Variants in UNC5B observed in about 807,000 individuals in gnomAD.
UNC5B encodes the protein unc-5 netrin receptor B, also known as netrin receptor UNC5B.
Under a neutral mutation model 103.7 loss-of-function variants are expected in UNC5B, and 56 were observed. That is an observed-to-expected ratio of 0.54 (90% CI 0.44 to 0.67). The LOEUF (loss-of-function observed/expected upper bound fraction) is 0.67. UNC5B is among the 30% of genes least tolerant of loss of function. UNC5B has a pLI of 0.00. For synonymous variants in UNC5B, 577 were observed against 542.0 expected (o/e 1.06, Z -0.90); for missense variants, 1,194 against 1,284.5 (o/e 0.93, Z 1.08).
At chr10:71,287,139 C>T (rs560114571) in intron 5 of UNC5B, among the ~76,000 whole-genome samples, 154 of 152,344 alleles carry the variant, frequency 1.0e-3, no homozygotes, top group Non-Finnish European at 1.9e-3. Context: ...TCAGTATGTC[C>T]AGAAGGCTGT....
Position 71,297,931 on chromosome 10 carries a change from C to G in UNC5B, c.2513C>G (p.Thr838Ser), listed in dbSNP as rs769446964. ...CAGACACCTGCTGGCTCCCTGGACA[C>G]TCTCTGCTCTGCCCCTGGCAGCACT... is the stretch of plus-strand genomic sequence containing the variant. Reference protein sequence around the residue: ...LAETPAGSLDTLCSAPGSTVT... With the variant: ...LAETPAGSLDSLCSAPGSTVT... The change falls in exon 16 of 17, where the codon ACT (threonine) becomes AGT (serine). Residue 838 changes from threonine to serine, a missense_variant. Thr to Ser is a moderately conservative substitution (Grantham distance 58, BLOSUM62 1). Coordinates refer to ENST00000335350, the MANE Select transcript of UNC5B (RefSeq NM_170744.5). 4 of 1,613,366 alleles carry G rather than the reference C, an allele frequency of 2.5e-6. No individual in the cohort carries two copies. Among genetic ancestry groups the G allele is most frequent in the Admixed American group, 1.7e-5 (1 of 59,964 alleles).
intron 6 of UNC5B, among the ~76,000 whole-genome samples, 174 bp from the exon 7 acceptor site, chr10:71,288,394 T>TC (rs1845149306): frequency 1.3e-5 from 2 of 152,246 alleles, no homozygotes; most frequent in African/African-American, 4.8e-5. Flanking sequence ...GGCATGGGGT[T>TC]ATGTGGATAT....
rs1204451688 is a variant in UNC5B at position 71,302,094 on chromosome 10, G to T, written c.*2817G>T. The T allele has an allele frequency of 1.3e-5, 2 of 152,386 alleles. No homozygotes were observed. The highest frequency in any genetic ancestry group is 1.9e-4 in the East Asian group (1 of 5,186). The allele number at this position is 152,386 out of a possible 1,614,324, so 9.4% of individuals were successfully genotyped here. ...GAGAAATGCCCAGAAAGGCTTTGCCGACTCCATCCGTCTGTGGAGGCTGCC... is the reference window on the plus strand; with the variant it reads ...GAGAAATGCCCAGAAAGGCTTTGCCTACTCCATCCGTCTGTGGAGGCTGCC... On this transcript the variant is annotated 3_prime_UTR_variant, in exon 17 of 17. Coordinates refer to ENST00000335350, the MANE Select transcript of UNC5B (RefSeq NM_170744.5).
At chr10:71,243,194 C>T (rs1055632846) in intron 1 of UNC5B, among the ~76,000 whole-genome samples, 3 of 152,108 alleles carry the variant, frequency 2.0e-5, no homozygotes, top group Non-Finnish European at 4.4e-5. Flanking sequence ...CAGATCTCAT[C>T]ACGGCACTCC....
intron 11 of UNC5B, 27 bp downstream of exon 11, chr10:71,292,581 T>A: frequency 6.4e-7 from 1 of 1,567,126 alleles, no homozygotes; most frequent in Non-Finnish European, 8.7e-7. Flanking sequence ...CCGCTGCTCC[T>A]TTTTCTTCCT....
At chr10:71,251,479 C>T (rs1320085621) in intron 1 of UNC5B, among the ~76,000 whole-genome samples, 1 of 152,218 alleles carries the variant, frequency 6.6e-6, no homozygotes, top group Non-Finnish European at 1.5e-5. Flanking sequence ...GGCCCCAGAG[C>T]ACAGTTTATC....
At chr10:71,250,752 GT>G (rs543850475) in intron 1 of UNC5B, among the ~76,000 whole-genome samples, 94 of 152,290 alleles carry the variant, frequency 6.2e-4, no homozygotes, top group Admixed American at 2.5e-3. Flanking sequence ...TTCCTGAAGG[GT>G]TATCCCCCTC....
intron 8 of UNC5B, 127 bp from the exon 9 acceptor site, chr10:71,290,788 C>A: frequency 8.4e-7 from 1 of 1,188,066 alleles, no homozygotes; most frequent in Non-Finnish European, 1.2e-6. Context: ...GTAGGCAGGG[C>A]TCAGACTGGA....
Position 71,293,867 on chromosome 10 carries a change from C to G in UNC5B, c.2109C>G (p.Ala703=), listed in dbSNP as rs766472846. The change falls in exon 13 of 17, where the codon GCC becomes GCG. Residue 703 remains alanine (A), a synonymous_variant. Coordinates refer to ENST00000335350, the MANE Select transcript of UNC5B (RefSeq NM_170744.5). The stretch of plus-strand genomic sequence containing the variant: ...TCCAGCTGGCCGTCTTCGCCCCCGC[C>G]CTCTGCACCTCCCTGGAGTACAGCC... The part of the protein sequence containing the change: ...KRLQLAVFAP[A]LCTSLEYSLR... The G allele has an allele frequency of 8.7e-6, 14 of 1,608,360 alleles. No homozygotes were observed. The Admixed American group carries it at 2.0e-4, about 23-fold the overall frequency.
At chr10:71,256,514 T>A (rs548074560) in intron 1 of UNC5B, among the ~76,000 whole-genome samples, 6 of 152,348 alleles carry the variant, frequency 3.9e-5, no homozygotes, top group Middle Eastern at 3.4e-3. Flanking sequence ...AGGGCAAGGA[T>A]AGGTTCGGGA....
chr10:71,263,904 G>A (rs1844469140), intron 1 of UNC5B, among the ~76,000 whole-genome samples: 2 of 152,202 alleles, frequency 1.3e-5, no homozygotes, highest in South Asian at 4.1e-4. Flanking sequence ...CCAAGCATTG[G>A]TGGCTGACAC....
At chr10:71,284,543 G>A (rs1343510872) in intron 2 of UNC5B, among the ~76,000 whole-genome samples, 177 bp from the exon 3 acceptor site, 1 of 152,244 alleles carries the variant, frequency 6.6e-6, no homozygotes, top group African/African-American at 2.4e-5. Flanking sequence ...CCACTGCAAT[G>A]TGCAGGTGAG....
At chr10:71,254,388 G>A (rs998210692) in intron 1 of UNC5B, among the ~76,000 whole-genome samples, 5 of 152,212 alleles carry the variant, frequency 3.3e-5, no homozygotes, top group African/African-American at 7.2e-5. Context: ...GGTACCTGGC[G>A]TCCTGCTGTC....
chr10:71,292,349 G>T, intron 10 of UNC5B, 118 bp from the exon 11 acceptor site: 1 of 838,862 alleles, frequency 1.2e-6, no homozygotes. Context: ...ACCCCTGGCT[G>T]GGGACTACCT....
rs11813918 is a variant in UNC5B at position 71,256,847 on chromosome 10, C to G, written c.80-22974C>G. On this transcript the variant is annotated intron_variant, in intron 1 of 16. Transcript: ENST00000335350. ...GGTCAGGGACTTGTCCAGGGTCACA[C>G]AGCATGTTAGTTACTGAGCTGAGAC... Among the ~76,000 whole-genome samples the G allele has an allele frequency of 2.8e-3, 421 of 152,350 alleles. 1 individual carries two copies. The highest frequency in any genetic ancestry group is 4.6e-3 in the Non-Finnish European group (314 of 68,034).
intron 1 of UNC5B, among the ~76,000 whole-genome samples, chr10:71,247,625 C>T (rs1165874149): frequency 1.3e-5 from 2 of 152,136 alleles, no homozygotes; most frequent in Non-Finnish European, 2.9e-5. Flanking sequence ...TTTCAGGAGT[C>T]TGAGTCTGGG....
chr10:71,286,856 C>T lies in UNC5B; in HGVS notation c.720C>T (p.Thr240=), dbSNP rs142181719. ...IVAKRRSTTA[T]VIVYVNGGWS... ...CCAAACGCCGGAGCACCACTGCCAC[C>T]GTCATCGTCTACGGTGCGGGCCTTT... The change falls in exon 5 of 17, where the codon ACC becomes ACT. Residue 240 remains threonine (T), a synonymous_variant. Coordinates refer to ENST00000335350, the MANE Select transcript of UNC5B (RefSeq NM_170744.5). The T allele has an allele frequency of 2.5e-6, 4 of 1,614,062 alleles. No homozygotes were observed. Among genetic ancestry groups the T allele is most frequent in the Non-Finnish European group, 2.5e-6 (3 of 1,179,954 alleles).
At chr10:71,259,297 G>A (rs966353484) in intron 1 of UNC5B, among the ~76,000 whole-genome samples, 1 of 151,400 alleles carries the variant, frequency 6.6e-6, no homozygotes, top group Non-Finnish European at 1.5e-5. Context: ...GCTGAGGCAG[G>A]AGAATCATTT....
chr10:71,281,404 A>C (rs1455797122), intron 2 of UNC5B, among the ~76,000 whole-genome samples: 2 of 151,572 alleles, frequency 1.3e-5, no homozygotes, highest in Non-Finnish European at 1.5e-5. Context: ...ACAGTGGCGC[A>C]ATCTCGGCTC....
Sources: allele counts gnomAD v4.1 joint callset (sites outside exome capture counted in the v4.1 genomes callset), GRCh38; gene constraint gnomAD v4.1.1; transcripts MANE v1.5; gene names NCBI Gene and HGNC (gene_info 2026-07-23, HGNC 2026-07-21).